Variants in MED13L observed in about 807,000 individuals in gnomAD.
The protein encoded by MED13L is mediator of RNA polymerase II transcription subunit 13-like.
In MED13L, 7 loss-of-function variants were observed where a neutral mutation model predicts 220.9. That is an observed-to-expected ratio of 0.03 (90% confidence interval 0.02 to 0.06). The LOEUF is 0.06. Ranked by LOEUF, MED13L falls within the 10% of genes least tolerant of loss-of-function variation. The pLI is 1.00. For synonymous variants in MED13L, 1,011 were observed against 1,015.2 expected, an observed-to-expected ratio of 1.00 and a Z score of 0.08; for missense variants, 1,965 against 2,760.5, an observed-to-expected ratio of 0.71 and a Z score of 6.46.
chr12:116,114,197 C>A (rs1874330309), intron 2 of MED13L, among the ~76,000 whole-genome samples: 1 of 152,080 alleles, frequency 6.6e-6, no homozygotes, highest in African/African-American at 2.4e-5. Flanking sequence ...CTCATGATAT[C>A]ATCATTTTAC....
intron 2 of MED13L, among the ~76,000 whole-genome samples, chr12:116,158,930 G>C (rs942546545): frequency 1.3e-5 from 2 of 152,228 alleles, no homozygotes; most frequent in Admixed American, 1.3e-4. Context: ...TTTCTATTCT[G>C]TAACAAATCC....
At chr12:116,004,486 A>G (rs1025917652) in intron 13 of MED13L, among the ~76,000 whole-genome samples, 2 of 152,184 alleles carry the variant, frequency 1.3e-5, no homozygotes, top group African/African-American at 4.8e-5. Context: ...ACTGGAAAAA[A>G]AAATAGCCCT....
At chr12:116,163,215 A>T (rs1007783308) in intron 2 of MED13L, among the ~76,000 whole-genome samples, 1 of 152,208 alleles carries the variant, frequency 6.6e-6, no homozygotes, top group South Asian at 2.1e-4. Context: ...GTATGATAGA[A>T]GACACCAGAG....
chr12:116,113,527 C>T (rs1457558460), intron 2 of MED13L, among the ~76,000 whole-genome samples: 7 of 149,606 alleles, frequency 4.7e-5, no homozygotes, highest in Non-Finnish European at 5.9e-5. Flanking sequence ...TAGTTGTGCA[C>T]GCCTGTTGTC....
At chr12:115,963,653 T>C in intron 29 of MED13L, 134 bp from the exon 30 acceptor site, 1 of 722,046 alleles carries the variant, frequency 1.4e-6, no homozygotes, top group Non-Finnish European at 2.5e-6. Flanking sequence ...TCTACAAATT[T>C]TAACCTGCTC....
chr12:116,059,591 T>C (rs1355116180), intron 4 of MED13L, among the ~76,000 whole-genome samples: 1 of 151,872 alleles, frequency 6.6e-6, no homozygotes, highest in Non-Finnish European at 1.5e-5. Context: ...CTAATTTTTG[T>C]GTTTTTAATA....
chr12:116,110,108 C>A (rs959303238), intron 3 of MED13L: 3 of 152,074 alleles, frequency 2.0e-5, no homozygotes, highest in Non-Finnish European at 4.4e-5. Context: ...TCTTAATGAA[C>A]CCATTCTTTC....
chr12:116,098,859 G>A (rs1374016772), intron 3 of MED13L, among the ~76,000 whole-genome samples: 3 of 152,166 alleles, frequency 2.0e-5, no homozygotes, highest in Non-Finnish European at 2.9e-5. Flanking sequence ...CAAGGAGGAA[G>A]TATTCAAGAA....
At chr12:116,069,910 T>C (rs1226373072) in intron 4 of MED13L, among the ~76,000 whole-genome samples, 1 of 152,230 alleles carries the variant, frequency 6.6e-6, no homozygotes, top group Non-Finnish European at 1.5e-5. Flanking sequence ...CCTCATTATA[T>C]ATTTGCAAGT....
chr12:116,062,763 CAG>C (rs1398937463), intron 4 of MED13L, among the ~76,000 whole-genome samples: 3 of 152,052 alleles, frequency 2.0e-5, no homozygotes, highest in Admixed American at 6.6e-5. Context: ...ATTTTTAAAA[CAG>C]AGGGGGAAAA....
chr12:116,139,460 A>G (rs1044559948), intron 2 of MED13L, among the ~76,000 whole-genome samples: 1 of 152,224 alleles, frequency 6.6e-6, no homozygotes, highest in African/African-American at 2.4e-5. Flanking sequence ...AAGTGATCCC[A>G]GTTCAAAATT....
At chr12:116,230,532 C>T (rs977754150) in intron 2 of MED13L, 2 of 966,118 alleles carry the variant, frequency 2.1e-6, no homozygotes, top group Non-Finnish European at 2.5e-6. Flanking sequence ...GAATTCCATA[C>T]CTGAAAAATA....
At chr12:116,236,664 T>C (rs1870111459) in intron 2 of MED13L, among the ~76,000 whole-genome samples, 1 of 152,170 alleles carries the variant, frequency 6.6e-6, no homozygotes, top group South Asian at 2.1e-4. Context: ...AAGATTAGAA[T>C]TAGTCTTGCT....
At chr12:115,978,317 AT>A (rs961542010) in intron 23 of MED13L, among the ~76,000 whole-genome samples, 5 of 146,556 alleles carry the variant, frequency 3.4e-5, no homozygotes, top group Non-Finnish European at 6.0e-5. Context: ...GAACTGTACA[AT>A]TTTTTTTCTT....
intron 2 of MED13L, among the ~76,000 whole-genome samples, chr12:116,147,839 T>G (rs958477273): frequency 6.6e-6 from 1 of 151,838 alleles, no homozygotes; most frequent in Non-Finnish European, 1.5e-5. Context: ...ATAATATTAT[T>G]GAGTAACATG....
intron 4 of MED13L, among the ~76,000 whole-genome samples, chr12:116,022,825 T>C (rs150486548): frequency 2.8e-3 from 419 of 152,304 alleles, no homozygotes; most frequent in Non-Finnish European, 4.5e-3. Flanking sequence ...TAAGTTACTG[T>C]ACAAAATGTT....
chr12:116,147,300 T>C (rs1000019005), intron 2 of MED13L, among the ~76,000 whole-genome samples: 4 of 152,234 alleles, frequency 2.6e-5, no homozygotes, highest in Non-Finnish European at 4.4e-5. Flanking sequence ...AACACCTGAC[T>C]TTACTTGTAT....
intron 1 of MED13L, among the ~76,000 whole-genome samples, chr12:116,240,799 T>C (rs2138474749): frequency 6.6e-6 from 1 of 150,948 alleles, no homozygotes; most frequent in East Asian, 2.0e-4. Flanking sequence ...AGTGCTGGGA[T>C]TACAGGCGCG....
chr12:116,145,697 A>ATTTATTTATTTG (rs34084324), intron 2 of MED13L, among the ~76,000 whole-genome samples: 4,550 of 146,938 alleles, frequency 0.031, 136 homozygotes, highest in East Asian at 0.071. Flanking sequence ...TTATTTATTT[A>ATTTATTTATTTG]TTTATTTTAA....
Sources: allele counts gnomAD v4.1 joint callset (sites outside exome capture counted in the v4.1 genomes callset), GRCh38; gene constraint gnomAD v4.1.1; transcripts MANE v1.5; gene names NCBI Gene and HGNC (gene_info 2026-07-23, HGNC 2026-07-21).